PTPRA: variants seen among roughly 807,000 people sequenced by gnomAD.
The protein encoded by PTPRA is receptor-type tyrosine-protein phosphatase alpha.
In PTPRA, 25 loss-of-function variants were observed where a neutral mutation model predicts 104.8. The observed-to-expected ratio is 0.24, with a 90% confidence interval of 0.17 to 0.33. PTPRA has a LOEUF of 0.33. PTPRA is among the 10% of genes least tolerant of loss of function. The pLI, the probability that PTPRA is intolerant of heterozygous loss-of-function variation, is 1.00. For synonymous variants in PTPRA, 323 were observed against 368.9 expected (o/e 0.88, Z 1.43); for missense variants, 765 against 1,015.3 (o/e 0.75, Z 3.35).
Position 2,984,382 on chromosome 20 carries a change from T to C in PTPRA, c.443-2383T>C, listed in dbSNP as rs1403451562. Among the ~76,000 whole-genome samples the C allele has an allele frequency of 2.6e-5, 4 of 152,140 alleles. No individual in the cohort carries two copies. The East Asian group carries it at 7.7e-4, about 29-fold the overall frequency. On this transcript the variant is annotated intron_variant, in intron 6 of 23. Coordinates refer to ENST00000399903, the MANE Select transcript of PTPRA (RefSeq NM_001385305.1). ...CTCACCCATATTCAACTGAAAATACTCTTGGAAAGGTCACCAGTAGCCACC... is the reference window on the plus strand; with the variant it reads ...CTCACCCATATTCAACTGAAAATACCCTTGGAAAGGTCACCAGTAGCCACC...
At chr20:2,998,870 A>C (rs760474240) in intron 9 of PTPRA, among the ~76,000 whole-genome samples, 3 of 151,506 alleles carry the variant, frequency 2.0e-5, no homozygotes, top group Non-Finnish European at 4.4e-5. Flanking sequence ...CATCAGACAT[A>C]TTATAGAATT....
At chr20:2,949,185 C>T (rs2061265462) in intron 3 of PTPRA, among the ~76,000 whole-genome samples, 1 of 152,020 alleles carries the variant, frequency 6.6e-6, no homozygotes, top group Non-Finnish European at 1.5e-5. Flanking sequence ...CTAATAGACC[C>T]TTTCTTGAGT....
intron 1 of PTPRA, among the ~76,000 whole-genome samples, chr20:2,914,209 C>A (rs541157202): frequency 6.6e-6 from 1 of 152,214 alleles, no homozygotes; most frequent in African/African-American, 2.4e-5. Context: ...CAGATATGAT[C>A]AAAGCCCTTC....
At chr20:2,936,858 G>A (rs1407487069) in intron 2 of PTPRA, among the ~76,000 whole-genome samples, 4 of 151,886 alleles carry the variant, frequency 2.6e-5, no homozygotes, top group Admixed American at 6.6e-5. Flanking sequence ...TATAATTATT[G>A]ATACTTTGGA....
chr20:2,986,204 A>C lies in PTPRA; in HGVS notation c.443-561A>C, dbSNP rs527664135. Among the ~76,000 whole-genome samples the C allele has an allele frequency of 9.9e-5, 15 of 152,250 alleles. 1 individual carries two copies. The South Asian group carries it at 2.9e-3, about 29-fold the overall frequency. On this transcript the variant is annotated intron_variant, in intron 6 of 23. Transcript: ENST00000399903. ...TTACAGGCATGAGCCATTGTGCCCT[A>C]CTTGTCTCCTTGTTTTAATTAGGAA... is the stretch of plus-strand genomic sequence containing the variant.
intron 14 of PTPRA, 62 bp from the exon 15 acceptor site, chr20:3,021,992 T>C: frequency 6.3e-7 from 1 of 1,587,944 alleles, no homozygotes; most frequent in African/African-American, 1.3e-5. Context: ...TCACCTTCCC[T>C]CCCCTGGTAC....
chr20:3,037,129 G>A lies in PTPRA; in HGVS notation c.2199-25G>A. ...TTGCACAGAGGGCCATCACAGGTGT[G>A]GTAAATGTGTCTGCTCTGTTGCAGC... On this transcript the variant is annotated intron_variant, in intron 22 of 23. Transcript: ENST00000399903. This position sits in a 1 kb window ranked among gnomAD's most constrained non-coding sequence, Gnocchi z 4.3. 6.2e-7 allele frequency: 1 copy of A among 1,611,264 alleles called. No individual in the cohort carries two copies. The highest frequency in any genetic ancestry group is 2.2e-5 in the East Asian group (1 of 44,854).
intron 20 of PTPRA, among the ~76,000 whole-genome samples, chr20:3,032,911 ATT>A (rs34489806): frequency 1.2e-4 from 18 of 144,152 alleles, no homozygotes; most frequent in Non-Finnish European, 2.1e-4. Context: ...CTCTTTTCTG[ATT>A]TTTTTTTTTT....
At chr20:2,990,855 GA>G (rs2063141446) in intron 9 of PTPRA, among the ~76,000 whole-genome samples, 1 of 152,206 alleles carries the variant, frequency 6.6e-6, no homozygotes, top group Non-Finnish European at 1.5e-5. Context: ...CTCCATGACA[GA>G]AGGGCTTAGG....
rs193190871 is a variant in PTPRA at position 2,933,433 on chromosome 20, C to A, written c.-50+10148C>A. Among the ~76,000 whole-genome samples, 294 of 148,184 alleles carry A rather than the reference C, an allele frequency of 2.0e-3. 4 individuals carry two copies. Among genetic ancestry groups the A allele is most frequent in the Non-Finnish European group, 6.4e-4 (43 of 67,224 alleles). On this transcript the variant is annotated intron_variant, in intron 2 of 23. Coordinates refer to ENST00000399903, the MANE Select transcript of PTPRA (RefSeq NM_001385305.1). ...TCTAGCTTGTTTTTTGGGGTTCTTTCTTTTGGTTGGTTGGTTGGTTGGTTG... is the reference window on the plus strand; with the variant it reads ...TCTAGCTTGTTTTTTGGGGTTCTTTATTTTGGTTGGTTGGTTGGTTGGTTG...
the PTPRA span, among the ~76,000 whole-genome samples, chr20:2,868,160 G>A: frequency 1.3e-5 from 2 of 152,154 alleles, no homozygotes; most frequent in Non-Finnish European, 2.9e-5. Flanking sequence ...GGGTCCCAAG[G>A]ACAAGCATCC....
intron 1 of PTPRA, among the ~76,000 whole-genome samples, chr20:2,901,009 T>C (rs1291701436): frequency 6.6e-6 from 1 of 152,114 alleles, no homozygotes; most frequent in Non-Finnish European, 1.5e-5. Context: ...TCTTGCTCTG[T>C]TGCCCAGGCT....
intron 20 of PTPRA, among the ~76,000 whole-genome samples, chr20:3,028,813 TTTTTAAAAAA>T (rs1232037109): frequency 6.6e-6 from 1 of 152,142 alleles, no homozygotes; most frequent in African/African-American, 2.4e-5. Flanking sequence ...CCATTTGTGT[TTTTTAAAAAA>T]TCCCTCTGGC....
rs1040516968 is a variant in PTPRA at position 2,992,244 on chromosome 20, C to T, written c.738+3770C>T. Reference sequence around the variant, plus strand: ...TAATACCTAGTTTACGAGACCGGCCCGGTGGCTCATGCCTGTAATCCCTGC... The same window carrying T: ...TAATACCTAGTTTACGAGACCGGCCTGGTGGCTCATGCCTGTAATCCCTGC... On this transcript the variant is annotated intron_variant, in intron 9 of 23. Transcript: ENST00000399903. 5.9e-5 allele frequency among the ~76,000 whole-genome samples: 9 copies of T among 152,276 alleles called. No individual in the cohort carries two copies. In the South Asian group the frequency reaches 1.0e-3, roughly 18 times the overall value.
chr20:3,017,781 T>C (rs1448967278), intron 12 of PTPRA, 35 bp from the exon 13 acceptor site: 1 of 1,566,200 alleles, frequency 6.4e-7, no homozygotes, highest in African/African-American at 1.4e-5. Context: ...CTTCTTGGTG[T>C]ATATTCTCTT....
chr20:2,878,126 G>A (rs1248364940), intron 1 of PTPRA, among the ~76,000 whole-genome samples: 1 of 152,022 alleles, frequency 6.6e-6, no homozygotes, highest in East Asian at 1.9e-4. Flanking sequence ...ACTCCAGCCT[G>A]GCGACAGAGC....
chr20:3,009,664 A>G (rs1183989186), intron 11 of PTPRA, among the ~76,000 whole-genome samples: 1 of 152,212 alleles, frequency 6.6e-6, no homozygotes, highest in East Asian at 1.9e-4. Context: ...TAATTGTTGT[A>G]GTCGATAAGG....
chr20:3,005,061 C>T lies in PTPRA; in HGVS notation c.744C>T (p.Leu248=), dbSNP rs750405240. 94 of 1,603,302 alleles carry T rather than the reference C, an allele frequency of 5.9e-5. No individual in the cohort carries two copies. Among genetic ancestry groups the T allele is most frequent in the Non-Finnish European group, 7.6e-5 (89 of 1,170,528 alleles). The part of the protein sequence containing the change: ...NKLFREEFNA[L]PACPIQATCE... ...AATTTCTCTTAACCTTTCAGGCTCT[C>T]CCTGCATGTCCTATCCAGGCCACCT... Residue 248 remains leucine, a synonymous_variant, in exon 10 of 24, where the codon CTC becomes CTT. Transcript: ENST00000399903.
At chr20:2,951,084 G>C (rs1396003559) in intron 3 of PTPRA, among the ~76,000 whole-genome samples, 1 of 151,600 alleles carries the variant, frequency 6.6e-6, no homozygotes, top group African/African-American at 2.4e-5. Flanking sequence ...GTGTTTGTTT[G>C]TTTGTTTGTT....
Sources: gnomAD v4.1 joint callset for allele counts (sites outside exome capture counted in the v4.1 genomes callset) on GRCh38, gnomAD v4.1.1 for gene constraint, Gnocchi (gnomAD v3.1) non-coding constraint, MANE v1.5 for transcripts, NCBI Gene and HGNC (gene_info 2026-07-23, HGNC 2026-07-21) for gene names.